The following TSPAN7 variants were observed in gnomAD, a reference collection of about 807,000 sequenced individuals.
TSPAN7 encodes the protein tetraspanin 7, also known as tetraspanin-7.
Under a neutral mutation model 17.6 loss-of-function variants are expected in TSPAN7, and 1 was observed. The observed-to-expected ratio is 0.06, with a 90% CI of 0.02 to 0.27. The LOEUF is 0.27. TSPAN7 is among the 10% of genes least tolerant of loss of function. The probability of loss-of-function intolerance (pLI) is 1.00; values close to 1 mark genes in which losing one functional copy is unlikely to be tolerated. For synonymous variants in TSPAN7, 78 were observed against 79.0 expected (o/e 0.99, Z 0.07); for missense variants, 112 against 201.7 (o/e 0.56, Z 2.69).
chrX:38,587,712 T>A (rs781437357), intron 1 of TSPAN7, among the ~76,000 whole-genome samples: 8 of 111,586 alleles, frequency 7.2e-5, no homozygotes, highest in Non-Finnish European at 1.1e-4. Context: ...CCTGGATGAT[T>A]GGCTGAGAGG....
intron 1 of TSPAN7, among the ~76,000 whole-genome samples, chrX:38,663,125 A>G (rs1347883530): frequency 9.8e-6 from 1 of 102,448 alleles, no homozygotes; most frequent in Non-Finnish European, 2.0e-5. Context: ...CCATCAATCA[A>G]TGAGTGGATA....
At chrX:38,611,934 T>G (rs2069421287) in intron 1 of TSPAN7, among the ~76,000 whole-genome samples, 1 of 111,547 alleles carries the variant, frequency 9.0e-6, no homozygotes, top group Non-Finnish European at 1.9e-5. Context: ...GACTTGTCAC[T>G]CATTTTCTTC....
chrX:38,643,241 G>A (rs775277074), intron 1 of TSPAN7, among the ~76,000 whole-genome samples: 1 of 109,368 alleles, frequency 9.1e-6, no homozygotes, highest in African/African-American at 3.3e-5. Flanking sequence ...GAGGAGGAGG[G>A]CTTTTCAGTA....
At chrX:38,566,303 T>A in intron 1 of TSPAN7, 1 of 949,413 alleles carries the variant, frequency 1.1e-6, no homozygotes, top group Non-Finnish European at 1.3e-6. Context: ...TTCTCCTGAT[T>A]TGTATGTTTT....
At chrX:38,570,045 G>A (rs111466305) in intron 1 of TSPAN7, among the ~76,000 whole-genome samples, 1,489 of 111,999 alleles carry the variant, frequency 0.013, 7 homozygotes, top group Middle Eastern at 0.032. Context: ...GGTCATCAGC[G>A]ACTGGACAAA....
chrX:38,588,201 C>A (rs1431289719), intron 1 of TSPAN7, among the ~76,000 whole-genome samples: 1 of 110,811 alleles, frequency 9.0e-6, no homozygotes, highest in African/African-American at 3.3e-5. Context: ...TAATGCGTCT[C>A]TAGGAGAAAC....
At chrX:38,676,043 G>A (rs1201164220) in intron 5 of TSPAN7, among the ~76,000 whole-genome samples, 183 bp downstream of exon 5, 2 of 111,927 alleles carry the variant, frequency 1.8e-5, no homozygotes, top group Non-Finnish European at 3.8e-5. Context: ...AGAGAAAGCT[G>A]TGACTCAGAT....
chrX:38,668,727 A>G (rs935366039), intron 2 of TSPAN7, among the ~76,000 whole-genome samples: 3 of 111,866 alleles, frequency 2.7e-5, no homozygotes, highest in African/African-American at 9.8e-5. Flanking sequence ...TAGTGCTGCA[A>G]TATACATGGG....
chrX:38,569,998 A>G (rs1309452579), intron 1 of TSPAN7, among the ~76,000 whole-genome samples: 2 of 112,099 alleles, frequency 1.8e-5, no homozygotes, highest in African/African-American at 6.5e-5. Flanking sequence ...CTAAGTTGGA[A>G]CAGACTTACT....
chrX:38,616,438 A>G (rs1217760753), intron 1 of TSPAN7, among the ~76,000 whole-genome samples: 1 of 112,034 alleles, frequency 8.9e-6, no homozygotes, highest in African/African-American at 3.2e-5. Context: ...TCTGCAGGGC[A>G]GAGTTCCTGC....
At chrX:38,682,631 T>G (rs897958453) in intron 6 of TSPAN7, among the ~76,000 whole-genome samples, 32 of 112,352 alleles carry the variant, frequency 2.8e-4, no homozygotes, top group African/African-American at 9.7e-4. Flanking sequence ...AAACTATCTT[T>G]TACCATGCTT....
At chrX:38,670,579 G>A (rs1393566230) in intron 2 of TSPAN7, among the ~76,000 whole-genome samples, 2 of 112,499 alleles carry the variant, frequency 1.8e-5, no homozygotes, top group African/African-American at 6.5e-5. Flanking sequence ...AAGCTGCAGT[G>A]GCTACTGTGT....
rs998715478 is a variant in TSPAN7, at chrX:38,666,756, G to A, written c.270+447G>A. 2.8e-4 allele frequency among the ~76,000 whole-genome samples: 31 copies of A among 109,939 alleles called. 1 individual carries two copies. The highest frequency in any genetic ancestry group is 4.2e-4 in the Non-Finnish European group (22 of 52,604). On this transcript the variant is annotated intron_variant, in intron 2 of 7. Transcript: ENST00000378482. ...TGGGACTACAGGCGCCCGCCACCAC[G>A]CCCAGCTAATTTTTTTTGTATTTTT...
chrX:38,567,081 A>T (rs1489781168), intron 1 of TSPAN7, among the ~76,000 whole-genome samples: 1 of 100,755 alleles, frequency 9.9e-6, no homozygotes, highest in Non-Finnish European at 1.9e-5. Context: ...CTGGAAAAAT[A>T]ATTTAAAACA....
chrX:38,660,832 T>A, intron 1 of TSPAN7, among the ~76,000 whole-genome samples: 1 of 112,302 alleles, frequency 8.9e-6, no homozygotes, highest in Non-Finnish European at 1.9e-5. Context: ...CTGTTGTCTT[T>A]TTTTTCTTTA....
intron 1 of TSPAN7, among the ~76,000 whole-genome samples, chrX:38,637,084 A>T (rs980270493): frequency 4.5e-5 from 5 of 111,964 alleles, no homozygotes; most frequent in African/African-American, 1.6e-4. Flanking sequence ...ATTGAGGCTC[A>T]TTGTTACATC....
intron 2 of TSPAN7, among the ~76,000 whole-genome samples, chrX:38,669,325 TA>T (rs1452972355): frequency 8.9e-6 from 1 of 112,034 alleles, no homozygotes; most frequent in Non-Finnish European, 1.9e-5. Flanking sequence ...TTCTCCTCAC[TA>T]CCACCATGCA....
At chrX:38,666,670 C>A (rs971226163) in intron 2 of TSPAN7, among the ~76,000 whole-genome samples, 1 of 109,112 alleles carries the variant, frequency 9.2e-6, no homozygotes, top group Non-Finnish European at 1.9e-5. Context: ...GCAATCTCTG[C>A]TCACTGCAAG....
At chrX:38,641,856 C>A (rs1300876764) in intron 1 of TSPAN7, among the ~76,000 whole-genome samples, 1 of 111,613 alleles carries the variant, frequency 9.0e-6, no homozygotes, top group Admixed American at 9.5e-5. Flanking sequence ...CCTGGAATTT[C>A]CTCCTTCTAG....
Sources: allele counts gnomAD v4.1 joint callset (sites outside exome capture counted in the v4.1 genomes callset), GRCh38; gene constraint gnomAD v4.1.1; transcripts MANE v1.5; gene names NCBI Gene and HGNC (gene_info 2026-07-23, HGNC 2026-07-21).